Variants in MYRIP observed in about 807,000 individuals in gnomAD.
The protein encoded by MYRIP is myosin VIIA and Rab interacting protein.
Under a neutral mutation model 98.0 loss-of-function variants are expected in MYRIP, and 49 were observed. The observed-to-expected ratio is 0.50, with a 90% CI of 0.40 to 0.63. The LOEUF (loss-of-function observed/expected upper bound fraction) is 0.63, where lower values mean the gene tolerates loss of function less well. MYRIP is among the 30% of genes least tolerant of loss of function. The probability of loss-of-function intolerance (pLI) is 0.00; values close to 1 mark genes in which losing one functional copy is unlikely to be tolerated. For synonymous variants in MYRIP, 404 were observed against 409.5 expected (o/e 0.99, Z 0.16); for missense variants, 1,004 against 1,058.2 (o/e 0.95, Z 0.71).
At chr3:40,079,544 T>A (rs554854055) in intron 3 of MYRIP, among the ~76,000 whole-genome samples, 1 of 152,214 alleles carries the variant, frequency 6.6e-6, no homozygotes, top group Non-Finnish European at 1.5e-5. Flanking sequence ...AGAGCACACA[T>A]GAGTGCTAAA....
At chr3:39,850,668 G>A (rs763492122) in intron 1 of MYRIP, among the ~76,000 whole-genome samples, 3 of 152,204 alleles carry the variant, frequency 2.0e-5, no homozygotes, top group Non-Finnish European at 4.4e-5. Flanking sequence ...CAGAATTGGT[G>A]AGGTCTAAGT....
At chr3:39,855,875 C>T (rs1014397682) in intron 1 of MYRIP, among the ~76,000 whole-genome samples, 2 of 152,186 alleles carry the variant, frequency 1.3e-5, no homozygotes, top group Non-Finnish European at 2.9e-5. Context: ...CTACCAATTT[C>T]AGTTGGGAGA....
At chr3:40,077,707 A>G (rs980163830) in intron 3 of MYRIP, among the ~76,000 whole-genome samples, 2 of 152,238 alleles carry the variant, frequency 1.3e-5, no homozygotes, top group African/African-American at 4.8e-5. Flanking sequence ...CCACCACAGT[A>G]GCTAGATACA....
chr3:39,953,628 G>A (rs571122571), intron 2 of MYRIP, among the ~76,000 whole-genome samples: 37 of 152,260 alleles, frequency 2.4e-4, no homozygotes, highest in Non-Finnish European at 3.2e-4. Context: ...CACAGAAGAC[G>A]GGTGATTTCT....
At chr3:40,088,241 C>G (rs1045263886) in intron 3 of MYRIP, among the ~76,000 whole-genome samples, 2 of 152,106 alleles carry the variant, frequency 1.3e-5, no homozygotes, top group African/African-American at 4.8e-5. Flanking sequence ...GTCTCCAAAC[C>G]TCAGAATTTT....
chr3:39,890,970 C>T (rs1043026374), intron 1 of MYRIP, among the ~76,000 whole-genome samples: 2 of 152,044 alleles, frequency 1.3e-5, no homozygotes, highest in African/African-American at 4.8e-5. Flanking sequence ...GCTCTCTCTG[C>T]AGCCTTTTAT....
At chr3:40,020,179 C>T (rs1167526871) in intron 2 of MYRIP, among the ~76,000 whole-genome samples, 3 of 152,092 alleles carry the variant, frequency 2.0e-5, no homozygotes, top group Non-Finnish European at 2.9e-5. Context: ...GTCTGTTATT[C>T]CTGTCTTTAT....
chr3:39,918,807 T>C (rs890263707), intron 2 of MYRIP, among the ~76,000 whole-genome samples: 2 of 152,134 alleles, frequency 1.3e-5, no homozygotes, highest in African/African-American at 2.4e-5. Context: ...AGATAGGTTA[T>C]AGGAGGGAGA....
intron 3 of MYRIP, among the ~76,000 whole-genome samples, chr3:40,066,204 A>G (rs140670176): frequency 1.1e-3 from 165 of 151,988 alleles, no homozygotes; most frequent in African/African-American, 3.9e-3. Flanking sequence ...GCTGTGCACC[A>G]CCCTCCCCAC....
intron 2 of MYRIP, among the ~76,000 whole-genome samples, chr3:40,034,321 C>T (rs1226515281): frequency 2.0e-5 from 3 of 152,174 alleles, no homozygotes; most frequent in South Asian, 2.1e-4. Context: ...GCAACCTACT[C>T]ATCTGACAAA....
rs912013493 is a variant in MYRIP, at chr3:39,813,141, C to T, written c.-31+3225C>T. 2.0e-5 allele frequency among the ~76,000 whole-genome samples: 3 copies of T among 152,272 alleles called. No homozygotes were observed. In the East Asian group the frequency reaches 5.8e-4, roughly 29 times the overall value. On this transcript the variant is annotated intron_variant, in intron 1 of 16. Transcript: ENST00000302541. ...GGTTTGAAGGAATGAGTTCTCATTC[C>T]GAAGGCTGGTATCTCTTTTCACAGA... is the stretch of plus-strand genomic sequence containing the variant.
chr3:40,004,679 G>A (rs568222873), intron 2 of MYRIP, among the ~76,000 whole-genome samples: 4 of 152,066 alleles, frequency 2.6e-5, no homozygotes, highest in African/African-American at 9.6e-5. Flanking sequence ...TTATTATTAT[G>A]CCTTTGCATC....
At chr3:39,899,129 T>C (rs551127412) in intron 1 of MYRIP, among the ~76,000 whole-genome samples, 1 of 152,252 alleles carries the variant, frequency 6.6e-6, no homozygotes, top group South Asian at 2.1e-4. Context: ...CCACTTTGGT[T>C]TTACCACACT....
intron 2 of MYRIP, among the ~76,000 whole-genome samples, chr3:39,991,752 G>C (rs1168459769): frequency 3.3e-5 from 5 of 152,078 alleles, no homozygotes; most frequent in Admixed American, 6.6e-5. Context: ...CAGCACTCCA[G>C]GTGTCCCCTT....
At chr3:39,875,487 A>T (rs1012607278) in intron 1 of MYRIP, among the ~76,000 whole-genome samples, 1 of 151,300 alleles carries the variant, frequency 6.6e-6, no homozygotes, top group Non-Finnish European at 1.5e-5. Flanking sequence ...TAGTGCTATA[A>T]ATTTCCCTCT....
chr3:39,931,993 G>C (rs1944549306), intron 2 of MYRIP, among the ~76,000 whole-genome samples: 1 of 152,052 alleles, frequency 6.6e-6, no homozygotes, highest in African/African-American at 2.4e-5. Context: ...TCTGGTTTTG[G>C]TATCAGGTTA....
chr3:40,069,948 A>G (rs1948191508), intron 3 of MYRIP, among the ~76,000 whole-genome samples: 2 of 152,218 alleles, frequency 1.3e-5, no homozygotes, highest in African/African-American at 4.8e-5. Context: ...ACCCCAGCTT[A>G]TGCTTAAAGT....
At chr3:39,872,048 C>A (rs956960614) in intron 1 of MYRIP, among the ~76,000 whole-genome samples, 10 of 152,072 alleles carry the variant, frequency 6.6e-5, no homozygotes, top group South Asian at 4.1e-4. Context: ...CCTGGAGTTT[C>A]ATTTATGAAA....
chr3:39,868,853 T>G (rs1244491250), intron 1 of MYRIP, among the ~76,000 whole-genome samples: 7 of 152,238 alleles, frequency 4.6e-5, no homozygotes, highest in Non-Finnish European at 7.3e-5. Flanking sequence ...TCTTTCATTT[T>G]CTTTGAATAT....
Sources: allele counts gnomAD v4.1 joint callset (sites outside exome capture counted in the v4.1 genomes callset), GRCh38; gene constraint gnomAD v4.1.1; transcripts MANE v1.5; gene names NCBI Gene and HGNC (gene_info 2026-07-23, HGNC 2026-07-21).